Variants in DGKI observed in about 807,000 individuals in gnomAD.
The protein encoded by DGKI is diacylglycerol kinase iota.
A neutral mutation model predicts 147.5 loss-of-function variants in DGKI; 55 were observed. The ratio of observed to expected loss-of-function variants is 0.37; its 90% CI spans 0.30 to 0.47. The LOEUF (loss-of-function observed/expected upper bound fraction) is 0.47, where lower values mean the gene tolerates loss of function less well. Ranked by LOEUF, DGKI falls within the 20% of genes least tolerant of loss-of-function variation. The probability of loss-of-function intolerance (pLI) is 1.00; values close to 1 mark genes in which losing one functional copy is unlikely to be tolerated. For missense variants in DGKI, 1,007 were observed against 1,323.8 expected (o/e 0.76, Z 3.71); for synonymous variants, 469 against 477.1 (o/e 0.98, Z 0.22).
At chr7:137,428,673 C>G (rs1178122787) in intron 28 of DGKI, among the ~76,000 whole-genome samples, 1 of 152,136 alleles carries the variant, frequency 6.6e-6, no homozygotes, top group East Asian at 1.9e-4. Flanking sequence ...AGCCCAAAAT[C>G]TCCTTAAGCT....
chr7:137,662,357 C>A (rs1822469588), intron 3 of DGKI, among the ~76,000 whole-genome samples: 1 of 151,704 alleles, frequency 6.6e-6, no homozygotes, highest in Non-Finnish European at 1.5e-5. Flanking sequence ...CATTCTCCTG[C>A]CTCAGCCTCC....
intron 20 of DGKI, among the ~76,000 whole-genome samples, chr7:137,532,089 G>C (rs1258242381): frequency 6.6e-6 from 1 of 151,310 alleles, no homozygotes; most frequent in Non-Finnish European, 1.5e-5. Flanking sequence ...AAAAAAAACA[G>C]TAGCCAAAAT....
At chr7:137,437,849 G>A (rs577064242) in intron 28 of DGKI, among the ~76,000 whole-genome samples, 1 of 152,116 alleles carries the variant, frequency 6.6e-6, no homozygotes, top group African/African-American at 2.4e-5. Context: ...TTGTAAGTCA[G>A]TGAAGAAAAT....
At chr7:137,721,968 C>T in intron 1 of DGKI, 15 of 1,439,710 alleles carry the variant, frequency 1.0e-5, no homozygotes, top group Non-Finnish European at 1.4e-5. Context: ...GCATAGTGAG[C>T]TCTTTCCCAT....
chr7:137,739,434 T>C (rs1795116133), intron 1 of DGKI, among the ~76,000 whole-genome samples: 1 of 152,146 alleles, frequency 6.6e-6, no homozygotes, highest in Admixed American at 6.5e-5. Flanking sequence ...ACAAACAACC[T>C]AGGCTTCCCT....
At chr7:137,577,364 C>T in intron 16 of DGKI, 80 bp from the exon 17 acceptor site, 5 of 1,009,100 alleles carry the variant, frequency 5.0e-6, no homozygotes, top group Non-Finnish European at 3.0e-6. Context: ...TCCTAGATTC[C>T]AAGGATTCCA....
chr7:137,829,967 T>C (rs759414151), intron 1 of DGKI, among the ~76,000 whole-genome samples: 1 of 152,006 alleles, frequency 6.6e-6, no homozygotes, highest in Non-Finnish European at 1.5e-5. Context: ...TGCCCCTTCT[T>C]ATCTAGGAAA....
chr7:137,617,534 G>C (rs1820577189), intron 8 of DGKI, among the ~76,000 whole-genome samples: 1 of 152,052 alleles, frequency 6.6e-6, no homozygotes, highest in Admixed American at 6.6e-5. Context: ...AGTGTTTACA[G>C]ACTAAGTGGT....
intron 27 of DGKI, among the ~76,000 whole-genome samples, chr7:137,458,358 G>GAT (rs1814285861): frequency 6.6e-6 from 1 of 152,134 alleles, no homozygotes; most frequent in Non-Finnish European, 1.5e-5. Flanking sequence ...CCCTCGGTGT[G>GAT]GTTCACTACA....
At chr7:137,841,382 C>A (rs1296640125) in intron 1 of DGKI, among the ~76,000 whole-genome samples, 1 of 152,164 alleles carries the variant, frequency 6.6e-6, no homozygotes, top group African/African-American at 2.4e-5. Context: ...TTTTTATAGG[C>A]ATTTTGAGCA....
rs1296986429 is a variant in DGKI, at chr7:137,737,673, A to C, written c.402-47671T>G. Among the ~76,000 whole-genome samples the C allele has an allele frequency of 2.0e-5, 3 of 152,274 alleles. No individual in the cohort carries two copies. In the East Asian group the frequency reaches 5.8e-4, roughly 29 times the overall value. On this transcript the variant is annotated intron_variant, in intron 1 of 32. Transcript: ENST00000614521. ...ATATTATTTAGATACTGTATTTTGA[A>C]ATGCCTCTAAACATTAGCTGTCAGT... is the stretch of plus-strand genomic sequence containing the variant.
In DGKI at chr7:137,654,686, T is replaced by C. The variant is rs199664243; in HGVS notation, c.738+46A>G. On this transcript the variant is annotated intron_variant, in intron 5 of 32. Transcript: ENST00000614521. ...AATATCTATGAATCCACTGAATCAA[T>C]GAGAAATCAAAGGTGATACTTGAAA... The C allele has an allele frequency of 2.7e-4, 349 of 1,301,968 alleles. No individual in the cohort carries two copies. The African/African-American group carries it at 3.7e-3, about 14-fold the overall frequency. 80.7% of individuals were successfully genotyped at this position (1,301,968 alleles called of 1,614,324 possible).
intron 1 of DGKI, among the ~76,000 whole-genome samples, chr7:137,789,194 A>G (rs887559220): frequency 6.6e-6 from 1 of 152,190 alleles, no homozygotes; most frequent in African/African-American, 2.4e-5. Context: ...CAGAAATTTA[A>G]TGGAGAGAGA....
At chr7:137,482,530 C>A (rs1459322469) in intron 23 of DGKI, among the ~76,000 whole-genome samples, 1 of 151,810 alleles carries the variant, frequency 6.6e-6, no homozygotes, top group African/African-American at 2.4e-5. Flanking sequence ...ATTCGTATAC[C>A]CAACTGCCTA....
chr7:137,483,787 T>C (rs1405112764), intron 23 of DGKI, among the ~76,000 whole-genome samples: 1 of 152,162 alleles, frequency 6.6e-6, no homozygotes, highest in African/African-American at 2.4e-5. Context: ...CATTCCTTTT[T>C]ATGGCTGCAT....
intron 24 of DGKI, among the ~76,000 whole-genome samples, chr7:137,469,157 C>T (rs1585143734): frequency 1.3e-5 from 2 of 152,126 alleles, no homozygotes; most frequent in Admixed American, 1.3e-4. Context: ...ATAATGGTCT[C>T]ATAAAAATAA....
chr7:137,735,738 T>C (rs2116683973), intron 1 of DGKI, among the ~76,000 whole-genome samples: 1 of 152,144 alleles, frequency 6.6e-6, no homozygotes, highest in South Asian at 2.1e-4. Flanking sequence ...AAGCAAAACC[T>C]CAACTCTTAG....
At chr7:137,615,758 G>A (rs1388940870) in intron 8 of DGKI, among the ~76,000 whole-genome samples, 1 of 152,064 alleles carries the variant, frequency 6.6e-6, no homozygotes, top group Non-Finnish European at 1.5e-5. Context: ...GAACAGATCA[G>A]AGACACAATG....
chr7:137,512,711 A>T (rs1816618849), intron 21 of DGKI, among the ~76,000 whole-genome samples: 1 of 152,222 alleles, frequency 6.6e-6, no homozygotes, highest in Non-Finnish European at 1.5e-5. Flanking sequence ...AAATATCATC[A>T]TCATTTTAGG....
Sources: allele counts gnomAD v4.1 joint callset (sites outside exome capture counted in the v4.1 genomes callset), GRCh38; gene constraint gnomAD v4.1.1; transcripts MANE v1.5; gene names NCBI Gene and HGNC (gene_info 2026-07-23, HGNC 2026-07-21).